Variants in PNPLA7 observed in about 807,000 individuals in gnomAD.
The protein encoded by PNPLA7 is patatin-like phospholipase domain-containing protein 7.
Under a neutral mutation model 161.7 loss-of-function variants are expected in PNPLA7, and 153 were observed. The ratio of observed to expected loss-of-function variants is 0.95; its 90% CI spans 0.83 to 1.08. The LOEUF (loss-of-function observed/expected upper bound fraction) is 1.08. PNPLA7 is among the 50% of genes least tolerant of loss of function. The pLI, the probability that PNPLA7 is intolerant of heterozygous loss-of-function variation, is 0.00. For synonymous variants in PNPLA7, 809 were observed against 782.1 expected, an observed-to-expected ratio of 1.03 and a Z score of -0.57; for missense variants, 1,739 against 1,856.6, an observed-to-expected ratio of 0.94 and a Z score of 1.16.
intron 26 of PNPLA7, among the ~76,000 whole-genome samples, chr9:137,465,526 G>A (rs1351202901): frequency 2.0e-5 from 3 of 152,328 alleles, no homozygotes; most frequent in East Asian, 1.9e-4. Context: ...TCCCGAGGAC[G>A]CTGTCCCTGG....
intron 14 of PNPLA7, among the ~76,000 whole-genome samples, chr9:137,502,786 CAG>C (rs1491334031): frequency 1.8e-5 from 1 of 54,144 alleles, no homozygotes. Flanking sequence ...GGCCGCTGGA[CAG>C]GGGGGCACTG....
chr9:137,512,342 G>A (rs1334207027), intron 12 of PNPLA7, among the ~76,000 whole-genome samples: 3 of 152,220 alleles, frequency 2.0e-5, no homozygotes, highest in East Asian at 1.9e-4. Context: ...ACCTCCCCAC[G>A]GGACGTGGAG....
rs1176163316 is a variant in PNPLA7 at position 137,543,352 on chromosome 9, C to T, written c.506+80G>A. ...CAACCATTCCCCCAACACAAGACGG[C>T]CAAGCTGGAGCCAGGCCCCAGCGAG... On this transcript the variant is annotated intron_variant, in intron 6 of 34. Transcript: ENST00000406427. The surrounding 1 kb of genome is among the most constrained non-coding windows in gnomAD (Gnocchi z 6.9). 1.3e-6 allele frequency: 2 copies of T among 1,577,244 alleles called. No homozygotes were observed. Among genetic ancestry groups the T allele is most frequent in the African/African-American group, 2.7e-5 (2 of 73,876 alleles).
intron 14 of PNPLA7, among the ~76,000 whole-genome samples, chr9:137,503,968 A>AGAAGAAG (rs1833738152): frequency 3.7e-5 from 4 of 108,654 alleles, no homozygotes; most frequent in African/African-American, 6.8e-5. Flanking sequence ...GGAAGAAGGA[A>AGAAGAAG]GAAGAAGAAG....
At chr9:137,495,444 T>C (rs1588599125) in intron 18 of PNPLA7, among the ~76,000 whole-genome samples, 1 of 149,976 alleles carries the variant, frequency 6.7e-6, no homozygotes, top group Non-Finnish European at 1.5e-5. Flanking sequence ...GGAGAACACC[T>C]CTTTTTTTTT....
chr9:137,540,653 C>A lies in PNPLA7; in HGVS notation c.736G>T (p.Asp246Tyr). ...AGCGGGGGACTCACGGTGATGATGT[C>A]CAGGATGCTGAGCAGGCTGTGGACG... ...DSVHSLLSIL[D>Y]IITGHAAPYK... is the part of the protein sequence containing the mutation. The change falls in exon 8 of 35, where the codon GAC becomes TAC. Residue 246 changes from aspartate (D) to tyrosine (Y), a missense_variant. Around this residue, in one of 6 missense-constraint regions of PNPLA7, gnomAD observed 152 missense variants for 193.5 expected, o/e 0.79. Coordinates refer to ENST00000406427, the MANE Select transcript of PNPLA7 (RefSeq NM_001098537.3). This position sits in a 1 kb window ranked among gnomAD's most constrained non-coding sequence, Gnocchi z 5.1. The A allele has an allele frequency of 6.2e-7, 1 of 1,611,686 alleles. No individual in the cohort carries two copies.
Position 137,486,880 on chromosome 9 carries a change from G to A in PNPLA7, c.2198-2144C>T, listed in dbSNP as rs1935415975. ...CTCAGCCCATCTGCGGTCCCTGAGA[G>A]CTGCTGGTGACCCCCACACCACACA... On this transcript the variant is annotated intron_variant, in intron 20 of 34. Coordinates refer to ENST00000406427, the MANE Select transcript of PNPLA7 (RefSeq NM_001098537.3). This position sits in a 1 kb window ranked among gnomAD's most constrained non-coding sequence, Gnocchi z 6.0. Among the ~76,000 whole-genome samples, 1 of 152,084 alleles carries A rather than the reference G, an allele frequency of 6.6e-6. No homozygotes were observed. The highest frequency in any genetic ancestry group is 2.1e-4 in the South Asian group (1 of 4,832).
At chr9:137,542,586 A>G in intron 7 of PNPLA7, 56 bp downstream of exon 7, 1 of 1,438,628 alleles carries the variant, frequency 7.0e-7, no homozygotes, top group Non-Finnish European at 9.2e-7. Flanking sequence ...CCGAGAAGAC[A>G]GACGTGGAGG....
chr9:137,500,648 G>A lies in PNPLA7; in HGVS notation c.1757+43C>T, dbSNP rs768118575. On this transcript the variant is annotated intron_variant, in intron 16 of 34. Transcript: ENST00000406427. This position sits in a 1 kb window ranked among gnomAD's most constrained non-coding sequence, Gnocchi z 5.5. ...ACGCGGGGAGGGGTCTCAGGGCAGGGGGGGCTGGGGCCCGCCCTGAGGTCC... is the reference window on the plus strand; with the variant it reads ...ACGCGGGGAGGGGTCTCAGGGCAGGAGGGGCTGGGGCCCGCCCTGAGGTCC... 7 of 1,587,244 alleles carry A rather than the reference G, an allele frequency of 4.4e-6. No individual in the cohort carries two copies. The highest frequency in any genetic ancestry group is 6.0e-6 in the Non-Finnish European group (7 of 1,161,400).
rs749294348 is a variant in PNPLA7 at position 137,543,545 on chromosome 9, C to CG, written c.392dup (p.Ala132GlyfsTer20). 2.5e-6 allele frequency: 4 copies of CG among 1,613,138 alleles called. No individual in the cohort carries two copies. In the East Asian group the frequency reaches 8.9e-5, roughly 36 times the overall value. Reference sequence around the variant, plus strand: ...GCGGGGGCTCCTTGGGCTGCAGGGCCGGGTATTCCTTCTTGAAACGCAGAA... The same window carrying CG: ...GCGGGGGCTCCTTGGGCTGCAGGGCCGGGGTATTCCTTCTTGAAACGCAGAA... On this transcript the variant is annotated frameshift_variant, in exon 6 of 35. Coordinates refer to ENST00000406427, the MANE Select transcript of PNPLA7 (RefSeq NM_001098537.3). LOFTEE classifies it high-confidence loss of function. This position sits in a 1 kb window ranked among gnomAD's most constrained non-coding sequence, Gnocchi z 6.9.
intron 8 of PNPLA7, among the ~76,000 whole-genome samples, chr9:137,538,219 G>A (rs534073483): frequency 9.9e-5 from 15 of 152,258 alleles, no homozygotes; most frequent in Admixed American, 7.8e-4. Context: ...TCCCCAGGCC[G>A]GCAGCCTCCC....
At chr9:137,544,462 C>T (rs1836378479) in intron 4 of PNPLA7, among the ~76,000 whole-genome samples, 1 of 152,196 alleles carries the variant, frequency 6.6e-6, no homozygotes, top group South Asian at 2.1e-4. Context: ...AACAGACCGC[C>T]TCCACTCTGC....
At position 137,498,095 on chromosome 9, in the gene PNPLA7, G is replaced by A. The variant is rs1265822034; in HGVS notation, c.1889+19C>T. ...CCAGGGCAGCATGGATGCGGAGTGT[G>A]TGGCACCCACGGCCTCACCTGTATA... On this transcript the variant is annotated intron_variant, in intron 17 of 34. Coordinates refer to ENST00000406427, the MANE Select transcript of PNPLA7 (RefSeq NM_001098537.3). The A allele has an allele frequency of 3.7e-6, 6 of 1,610,570 alleles. No homozygotes were observed. In the East Asian group the frequency reaches 1.1e-4, roughly 30 times the overall value.
chr9:137,512,194 G>A lies in PNPLA7; in HGVS notation c.1225+3185C>T, dbSNP rs571948220. Among the ~76,000 whole-genome samples, 15 of 152,354 alleles carry A rather than the reference G, an allele frequency of 9.8e-5. No homozygotes were observed. In the South Asian group the frequency reaches 1.0e-3, roughly 11 times the overall value. On this transcript the variant is annotated intron_variant, in intron 12 of 34. Transcript: ENST00000406427. ...CCCTACACCCCTGAGCCAAGCACAC[G>A]TGACTCCATGACCCAGCAGCCCCAA...
chr9:137,491,639 G>A (rs1832768452), intron 20 of PNPLA7: 3 of 985,300 alleles, frequency 3.0e-6, no homozygotes, highest in African/African-American at 3.5e-5. Context: ...ATTTGGAAAC[G>A]GTTTTGCAGA....
intron 8 of PNPLA7, among the ~76,000 whole-genome samples, chr9:137,534,350 T>A (rs1182024452): frequency 6.8e-6 from 1 of 147,856 alleles, no homozygotes; most frequent in Non-Finnish European, 1.5e-5. Flanking sequence ...ACTCCCAGGC[T>A]CCTCAGTGAG....
In PNPLA7 at chr9:137,500,635, G is replaced by T; in HGVS notation, c.1757+56C>A. 1 of 1,544,174 alleles carries T rather than the reference G, an allele frequency of 6.5e-7. No individual in the cohort carries two copies. The highest frequency in any genetic ancestry group is 8.9e-7 in the Non-Finnish European group (1 of 1,126,464). On this transcript the variant is annotated intron_variant, in intron 16 of 34. Coordinates refer to ENST00000406427, the MANE Select transcript of PNPLA7 (RefSeq NM_001098537.3). This position sits in a 1 kb window ranked among gnomAD's most constrained non-coding sequence, Gnocchi z 5.5. ...GAAGAGGCCGGCCACGCGGGGAGGG[G>T]TCTCAGGGCAGGGGGGGCTGGGGCC... is the stretch of plus-strand genomic sequence containing the variant.
intron 19 of PNPLA7, among the ~76,000 whole-genome samples, chr9:137,493,365 C>A (rs1465332291): frequency 6.6e-6 from 1 of 152,210 alleles, no homozygotes; most frequent in African/African-American, 2.4e-5. Flanking sequence ...TGAGCCCAGG[C>A]CAGCCTCTCA....
At chr9:137,546,749 A>G in intron 4 of PNPLA7, 81 bp downstream of exon 4, 2 of 1,322,016 alleles carry the variant, frequency 1.5e-6, no homozygotes, top group Non-Finnish European at 2.2e-6. Flanking sequence ...AGCCTGGGGG[A>G]GCCCACAGCA....
Sources: allele counts gnomAD v4.1 joint callset (sites outside exome capture counted in the v4.1 genomes callset), GRCh38; gene constraint gnomAD v4.1.1; regional missense constraint gnomAD v4.1.1; non-coding constraint Gnocchi (gnomAD v3.1); transcripts MANE v1.5; gene names NCBI Gene and HGNC (gene_info 2026-07-23, HGNC 2026-07-21).